SIGLEC11: variants seen among roughly 807,000 people sequenced by gnomAD.
SIGLEC11 encodes the protein sialic acid-binding Ig-like lectin 11.
Under a neutral mutation model 61.2 loss-of-function variants are expected in SIGLEC11, and 47 were observed. The observed-to-expected ratio is 0.77, with a 90% CI of 0.61 to 0.98. The LOEUF is 0.98. Among genes scored for constraint, SIGLEC11 ranks in the 50% least tolerant of loss-of-function variants. The pLI is 0.00. For missense variants in SIGLEC11, 610 were observed against 870.3 expected, an observed-to-expected ratio of 0.70 and a Z score of 3.76; for synonymous variants, 278 against 373.1, an observed-to-expected ratio of 0.75 and a Z score of 2.94.
chr19:49,957,370 C>T (rs1438993642), intron 8 of SIGLEC11, among the ~76,000 whole-genome samples: 1 of 151,568 alleles, frequency 6.6e-6, no homozygotes, highest in African/African-American at 2.4e-5. Flanking sequence ...AAAAAAGTAA[C>T]AGGCAAGGCA....
At chr19:49,958,923 C>T (rs369805702) in intron 6 of SIGLEC11, 23 bp from the exon 7 acceptor site, 6 of 1,604,224 alleles carry the variant, frequency 3.7e-6, no homozygotes, top group East Asian at 4.5e-5. Flanking sequence ...GAGGCAGAAT[C>T]GACGTGCAGC....
rs149136670 is a variant in SIGLEC11 at position 49,958,867 on chromosome 19, G to T, written c.1139C>A (p.Pro380Gln). The T allele has an allele frequency of 1.6e-5, 25 of 1,603,332 alleles. No individual in the cohort carries two copies. The highest frequency in any genetic ancestry group is 2.1e-5 in the Non-Finnish European group (25 of 1,174,592). ...GCGCAGGCTTTGGCCCTCCAGGACCGGGAGGGATGTGCCGTTCCCGAGGTT... is the reference window on the plus strand; with the variant it reads ...GCGCAGGCTTTGGCCCTCCAGGACCTGGAGGGATGTGCCGTTCCCGAGGTT... ...LENLGNGTSL[P>Q]VLEGQSLRLV... The change falls in exon 7 of 11, where the codon CCG (proline) becomes CAG (glutamine). Residue 380 changes from proline (P) to glutamine (Q), a missense_variant. Pro to Gln is a moderately conservative substitution (Grantham distance 76). Coordinates refer to ENST00000447370, the MANE Select transcript of SIGLEC11 (RefSeq NM_052884.3).
Position 49,955,759 on chromosome 19 carries a change from C to A in SIGLEC11, c.1651+2524G>T, listed in dbSNP as rs1462610546. Among the ~76,000 whole-genome samples, 1 of 151,990 alleles carries A rather than the reference C, an allele frequency of 6.6e-6. No homozygotes were observed. Among genetic ancestry groups the A allele is most frequent in the Non-Finnish European group, 1.5e-5 (1 of 67,990 alleles). On this transcript the variant is annotated intron_variant, in intron 8 of 10. Coordinates refer to ENST00000447370, the MANE Select transcript of SIGLEC11 (RefSeq NM_052884.3). This position sits in a 1 kb window ranked among gnomAD's most constrained non-coding sequence, Gnocchi z 4.5. Reference sequence around the variant, plus strand: ...ACCATCCTGGCTAACACTGTGAAACCCTGTCTCTAGTAAAAATACAAAAAA... The same window carrying A: ...ACCATCCTGGCTAACACTGTGAAACACTGTCTCTAGTAAAAATACAAAAAA...
At chr19:49,958,611 T>C in intron 7 of SIGLEC11, 32 bp downstream of exon 7, 1 of 1,566,544 alleles carries the variant, frequency 6.4e-7, no homozygotes, top group Non-Finnish European at 8.6e-7. Flanking sequence ...GGCCCCTTCC[T>C]GGGACCCAGG....
In SIGLEC11 at chr19:49,951,752, T is replaced by C. The variant is rs2076159289; in HGVS notation, c.1830+139A>G. 2 of 667,096 alleles carry C rather than the reference T, an allele frequency of 3.0e-6. No individual in the cohort carries two copies. Among genetic ancestry groups the C allele is most frequent in the Non-Finnish European group, 4.7e-6 (2 of 421,140 alleles). 41.3% of individuals were successfully genotyped at this position (667,096 alleles called of 1,614,324 possible). The stretch of plus-strand genomic sequence containing the variant: ...AGGGTGCCTCCCAGATCATGGGACT[T>C]GGGACTGCATTGATGGGGACCCAGG... On this transcript the variant is annotated intron_variant, in intron 10 of 10. Transcript: ENST00000447370. The surrounding 1 kb of genome is among the most constrained non-coding windows in gnomAD (Gnocchi z 4.6).
Position 49,951,861 on chromosome 19 carries a change from G to C in SIGLEC11, c.1830+30C>G, listed in dbSNP as rs1022251266. ...CCATCAAGGAAAGGGGAACAGGCAGGGCCCCAGCAGACAGAGGCTGGGCTC... is the reference window on the plus strand; with the variant it reads ...CCATCAAGGAAAGGGGAACAGGCAGCGCCCCAGCAGACAGAGGCTGGGCTC... On this transcript the variant is annotated intron_variant, in intron 10 of 10. Coordinates refer to ENST00000447370, the MANE Select transcript of SIGLEC11 (RefSeq NM_052884.3). This position sits in a 1 kb window ranked among gnomAD's most constrained non-coding sequence, Gnocchi z 4.6. The C allele has an allele frequency of 6.5e-7, 1 of 1,550,038 alleles. No homozygotes were observed. The highest frequency in any genetic ancestry group is 8.7e-7 in the Non-Finnish European group (1 of 1,147,964).
intron 10 of SIGLEC11, among the ~76,000 whole-genome samples, chr19:49,950,861 C>T (rs1461823814): frequency 6.6e-6 from 1 of 152,200 alleles, no homozygotes; most frequent in Non-Finnish European, 1.5e-5. Flanking sequence ...CCTCAAAGAC[C>T]TTGGAAGATC....
At chr19:49,958,975 C>T in intron 6 of SIGLEC11, 55 bp downstream of exon 6, 1 of 1,613,496 alleles carries the variant, frequency 6.2e-7, no homozygotes, top group East Asian at 2.2e-5. Flanking sequence ...CCTCCAGACT[C>T]CTGGGCCCCC....
rs774829356 is a variant in SIGLEC11, at chr19:49,960,297, C to T, written c.585G>A (p.Gly195=). 2.5e-6 allele frequency: 4 copies of T among 1,603,006 alleles called. No homozygotes were observed. Among genetic ancestry groups the T allele is most frequent in the Admixed American group, 1.7e-5 (1 of 59,478 alleles). The change falls in exon 3 of 11, where the codon GGG becomes GGA. Residue 195 remains glycine, a synonymous_variant. Transcript: ENST00000447370. The stretch of plus-strand genomic sequence containing the variant: ...TGGTTCTTCTAGGGGAGAGGGCAGC[C>T]CCCGTCCAGGAGAAAGAAGGGGCTG... ...KCPAPSFSWT[G]AALSPRRTRP...
chr19:49,957,991 A>C (rs2076209823), intron 8 of SIGLEC11, among the ~76,000 whole-genome samples: 1 of 149,482 alleles, frequency 6.7e-6, no homozygotes, highest in Non-Finnish European at 1.5e-5. Context: ...ACTCCATCTC[A>C]AAAAAAAAAC....
At position 49,951,442 on chromosome 19, in the gene SIGLEC11, G is replaced by A. The variant is rs2076157518; in HGVS notation, c.1830+449C>T. Reference sequence around the variant, plus strand: ...TCTCAGTGAGTCCTGCGAGTCCTAGGGGGTTATCCAACCTCAGAGTGGTCG... The same window carrying A: ...TCTCAGTGAGTCCTGCGAGTCCTAGAGGGTTATCCAACCTCAGAGTGGTCG... On this transcript the variant is annotated intron_variant, in intron 10 of 10. Coordinates refer to ENST00000447370, the MANE Select transcript of SIGLEC11 (RefSeq NM_052884.3). This position sits in a 1 kb window ranked among gnomAD's most constrained non-coding sequence, Gnocchi z 4.6. Among the ~76,000 whole-genome samples the A allele has an allele frequency of 2.0e-5, 3 of 152,202 alleles. No individual in the cohort carries two copies. The highest frequency in any genetic ancestry group is 6.5e-5 in the Admixed American group (1 of 15,286).
At position 49,952,056 on chromosome 19, in the gene SIGLEC11, G is replaced by A. The variant is rs922546631; in HGVS notation, c.1749-84C>T. 1.6e-5 allele frequency: 23 copies of A among 1,395,194 alleles called. 1 individual carries two copies. The highest frequency in any genetic ancestry group is 2.0e-5 in the Non-Finnish European group (21 of 1,037,346). 86.4% of individuals were successfully genotyped at this position (1,395,194 alleles called of 1,614,324 possible). The stretch of plus-strand genomic sequence containing the variant: ...CTACCCACATGGCTTAGCAGAGGCT[G>A]GAAGGCTGCAGAGCCCAGTGGGGTG... On this transcript the variant is annotated intron_variant, in intron 9 of 10. Transcript: ENST00000447370.
rs559599760 is a variant in SIGLEC11 at position 49,952,353 on chromosome 19, G to A, written c.1693C>T (p.Leu565=). The A allele has an allele frequency of 2.5e-6, 4 of 1,610,170 alleles. No individual in the cohort carries two copies. The South Asian group carries it at 4.4e-5, about 18-fold the overall frequency. ...AGCAGGGCAGCGACGCCAGCTCCCA[G>A]GGCAGCCCCCAGGCCAAGTCCTCCC... ...HGGGLGLGAA[L]GAGVAALLAF... is the part of the protein sequence containing the mutation. Residue 565 remains leucine (L), a synonymous_variant, in exon 9 of 11, where the codon CTG becomes TTG. Transcript: ENST00000447370.
chr19:49,951,034 C>G lies in SIGLEC11; in HGVS notation c.1831-798G>C, dbSNP rs1322702080. Among the ~76,000 whole-genome samples the G allele has an allele frequency of 6.6e-6, 1 of 152,164 alleles. No homozygotes were observed. Among genetic ancestry groups the G allele is most frequent in the African/African-American group, 2.4e-5 (1 of 41,448 alleles). ...GGAATATCCTGCTGGTAGGAGCATC[C>G]CTGTTGACCTGGGACCACAAGCCAG... On this transcript the variant is annotated intron_variant, in intron 10 of 10. Coordinates refer to ENST00000447370, the MANE Select transcript of SIGLEC11 (RefSeq NM_052884.3). This position sits in a 1 kb window ranked among gnomAD's most constrained non-coding sequence, Gnocchi z 4.6.
At position 49,950,033 on chromosome 19, in the gene SIGLEC11, G is replaced by A. The variant is rs1300200443; in HGVS notation, c.2034C>T (p.Pro678=). 2 of 1,587,608 alleles carry A rather than the reference G, an allele frequency of 1.3e-6. No individual in the cohort carries two copies. The highest frequency in any genetic ancestry group is 1.7e-6 in the Non-Finnish European group (2 of 1,163,404). ...YSEIKIHTGQ[P]LRGPGFGLQL... is the part of the protein sequence containing the mutation. ...GAAGCCCAAAGCCTGGGCCCCTCAGGGGCTGTCCTGTGTGGATCTTGATCT... is the reference window on the plus strand; with the variant it reads ...GAAGCCCAAAGCCTGGGCCCCTCAGAGGCTGTCCTGTGTGGATCTTGATCT... The change falls in exon 11 of 11, where the codon CCC becomes CCT. Residue 678 remains proline, a synonymous_variant. Coordinates refer to ENST00000447370, the MANE Select transcript of SIGLEC11 (RefSeq NM_052884.3).
At chr19:49,954,297 C>A (rs775698859) in intron 8 of SIGLEC11, among the ~76,000 whole-genome samples, 1 of 152,176 alleles carries the variant, frequency 6.6e-6, no homozygotes, top group Non-Finnish European at 1.5e-5. Flanking sequence ...GCCTACCCCC[C>A]TTTACTGAGG....
chr19:49,949,280 C>T lies in SIGLEC11; in HGVS notation c.*690G>A, dbSNP rs527970140. The T allele has an allele frequency of 1.3e-5, 2 of 151,104 alleles. No individual in the cohort carries two copies. The highest frequency in any genetic ancestry group is 2.5e-5 in the African/African-American group (1 of 40,520). 9.4% of individuals were successfully genotyped at this position (151,104 alleles called of 1,614,324 possible). ...AGATTACAGGCGTGAGCCACCATGC[C>T]CAGCCTTTTTTTTTTTTTTAAATGT... On this transcript the variant is annotated 3_prime_UTR_variant, in exon 11 of 11. Coordinates refer to ENST00000447370, the MANE Select transcript of SIGLEC11 (RefSeq NM_052884.3).
At chr19:49,958,164 G>T in intron 8 of SIGLEC11, 119 bp downstream of exon 8, 1 of 1,421,486 alleles carries the variant, frequency 7.0e-7, no homozygotes, top group Non-Finnish European at 9.7e-7. Context: ...ACAGAGCAGG[G>T]ACTTTGTCCC....
chr19:49,952,205 C>T (rs1349527743), intron 9 of SIGLEC11, 93 bp downstream of exon 9: 5 of 1,329,368 alleles, frequency 3.8e-6, no homozygotes, highest in East Asian at 2.3e-5. Context: ...CTCACACCCA[C>T]TGCCCCATCT....
Sources: gnomAD v4.1 joint callset for allele counts (sites outside exome capture counted in the v4.1 genomes callset) on GRCh38, gnomAD v4.1.1 for gene constraint, Gnocchi (gnomAD v3.1) non-coding constraint, MANE v1.5 for transcripts, NCBI Gene and HGNC (gene_info 2026-07-23, HGNC 2026-07-21) for gene names.